Variants in MEOX2 observed in about 807,000 individuals in gnomAD.
The protein encoded by MEOX2 is homeobox protein MOX-2.
Under a neutral mutation model 27.0 loss-of-function variants are expected in MEOX2, and 11 were observed. The observed-to-expected ratio is 0.41, with a 90% CI of 0.26 to 0.68. The LOEUF (loss-of-function observed/expected upper bound fraction) is 0.68, where lower values mean the gene tolerates loss of function less well. Ranked by LOEUF, MEOX2 falls within the 30% of genes least tolerant of loss-of-function variation. The probability of loss-of-function intolerance (pLI) is 0.33; values close to 1 mark genes in which losing one functional copy is unlikely to be tolerated. For synonymous variants in MEOX2, 189 were observed against 155.4 expected, an observed-to-expected ratio of 1.22 and a Z score of -1.61; for missense variants, 436 against 385.4, an observed-to-expected ratio of 1.13 and a Z score of -1.10.
chr7:15,669,436 C>T (rs988491624), intron 1 of MEOX2, among the ~76,000 whole-genome samples: 7 of 152,238 alleles, frequency 4.6e-5, no homozygotes, highest in Non-Finnish European at 8.8e-5. Context: ...TAAATTCTAA[C>T]GTGAATATGT....
At chr7:15,619,753 A>G (rs1393112522) in intron 2 of MEOX2, among the ~76,000 whole-genome samples, 3 of 152,122 alleles carry the variant, frequency 2.0e-5, no homozygotes. Context: ...AACAGATTAT[A>G]TATTCTTAAG....
At chr7:15,682,588 T>C (rs748865298) in intron 1 of MEOX2, among the ~76,000 whole-genome samples, 1 of 151,902 alleles carries the variant, frequency 6.6e-6, no homozygotes, top group South Asian at 2.1e-4. Flanking sequence ...TATCATAAAT[T>C]TGAATAGAAA....
At chr7:15,642,982 G>A (rs73288110) in intron 1 of MEOX2, among the ~76,000 whole-genome samples, 3,841 of 152,254 alleles carry the variant, frequency 0.025, 162 homozygotes, top group African/African-American at 0.087. Flanking sequence ...TCTCCTACAA[G>A]GATAAAGTGT....
intron 1 of MEOX2, among the ~76,000 whole-genome samples, chr7:15,665,492 G>A (rs1238110859): frequency 6.6e-6 from 1 of 152,152 alleles, no homozygotes; most frequent in African/African-American, 2.4e-5. Context: ...TGTCATTTTA[G>A]TCACTAATGA....
intron 1 of MEOX2, among the ~76,000 whole-genome samples, chr7:15,652,294 G>A (rs17168957): frequency 0.025 from 3,832 of 152,146 alleles, 158 homozygotes; most frequent in African/African-American, 0.087. Context: ...AAATGCATAT[G>A]TAATTACTCA....
chr7:15,616,984 T>G (rs7812247), intron 2 of MEOX2, among the ~76,000 whole-genome samples: 101,625 of 151,242 alleles, frequency 0.67, 34,338 homozygotes, highest in East Asian at 0.81. Flanking sequence ...CACCTGTCCT[T>G]TTAGGTTTCA....
chr7:15,647,841 T>A (rs1350981918), intron 1 of MEOX2, among the ~76,000 whole-genome samples: 1 of 152,142 alleles, frequency 6.6e-6, no homozygotes, highest in African/African-American at 2.4e-5. Context: ...TTTCTAGGAT[T>A]ACCATGGAGG....
At chr7:15,640,573 A>G (rs879339795) in intron 1 of MEOX2, among the ~76,000 whole-genome samples, 3 of 152,058 alleles carry the variant, frequency 2.0e-5, no homozygotes, top group Non-Finnish European at 4.4e-5. Flanking sequence ...TTGAATAGCA[A>G]TGGTGAGAGT....
At chr7:15,666,013 C>A (rs567297648) in intron 1 of MEOX2, among the ~76,000 whole-genome samples, 2 of 152,156 alleles carry the variant, frequency 1.3e-5, no homozygotes, top group South Asian at 4.1e-4. Context: ...GATTCTAGAA[C>A]CCCTTCCAAT....
At chr7:15,630,637 C>A (rs762034289) in intron 1 of MEOX2, among the ~76,000 whole-genome samples, 3 of 151,952 alleles carry the variant, frequency 2.0e-5, no homozygotes, top group Non-Finnish European at 4.4e-5. Context: ...ATTGCTGTAA[C>A]TTTTGTATCA....
chr7:15,626,649 T>C, intron 2 of MEOX2, 97 bp downstream of exon 2: 1 of 831,548 alleles, frequency 1.2e-6, no homozygotes, highest in South Asian at 2.0e-5. Context: ...CAAATGGTAT[T>C]CAAGAATTCT....
intron 1 of MEOX2, among the ~76,000 whole-genome samples, chr7:15,659,620 C>A (rs1781877735): frequency 6.6e-6 from 1 of 151,870 alleles, no homozygotes. Context: ...ATTAGCTGGG[C>A]GTGGTGGCGG....
At chr7:15,621,348 TTTTC>T (rs1257531321) in intron 2 of MEOX2, among the ~76,000 whole-genome samples, 4 of 152,230 alleles carry the variant, frequency 2.6e-5, no homozygotes, top group Non-Finnish European at 5.9e-5. Flanking sequence ...CATAAAATGA[TTTTC>T]TTTAACACTT....
At chr7:15,623,476 T>G (rs1256865827) in intron 2 of MEOX2, among the ~76,000 whole-genome samples, 3 of 152,166 alleles carry the variant, frequency 2.0e-5, no homozygotes, top group Non-Finnish European at 4.4e-5. Flanking sequence ...CTTAAATGTT[T>G]CTCCTGCCTC....
intron 1 of MEOX2, among the ~76,000 whole-genome samples, chr7:15,683,372 A>C (rs1208159668): frequency 6.6e-6 from 1 of 152,076 alleles, no homozygotes; most frequent in Non-Finnish European, 1.5e-5. Flanking sequence ...ATCTCACTAT[A>C]TAGGATGACA....
chr7:15,616,216 T>C (rs956790275), intron 2 of MEOX2, among the ~76,000 whole-genome samples: 1 of 151,804 alleles, frequency 6.6e-6, no homozygotes, highest in African/African-American at 2.4e-5. Flanking sequence ...ACCTAGATTA[T>C]ATATTTGATA....
In MEOX2 at chr7:15,626,862, T is replaced by C; in HGVS notation, c.574A>G (p.Thr192Ala). The change falls in exon 2 of 3, where the codon ACA (threonine) becomes GCA (alanine). Residue 192 changes from threonine to alanine, a missense_variant. Thr to Ala is a moderately conservative substitution (Grantham distance 58, BLOSUM62 0). Transcript: ENST00000262041. Reference protein sequence around the residue: ...EVNSKPRKERTAFTKEQIREL... With the variant: ...EVNSKPRKERAAFTKEQIREL... ...CTGATTTGCTCTTTGGTAAATGCTG[T>C]CCTTTCTTTCCTGGGTTTGCTGTTG... 1 of 1,612,160 alleles carries C rather than the reference T, an allele frequency of 6.2e-7. No individual in the cohort carries two copies. The highest frequency in any genetic ancestry group is 2.2e-5 in the East Asian group (1 of 44,830).
At chr7:15,633,488 G>C (rs1781433145) in intron 1 of MEOX2, among the ~76,000 whole-genome samples, 1 of 151,922 alleles carries the variant, frequency 6.6e-6, no homozygotes, top group Non-Finnish European at 1.5e-5. Flanking sequence ...TATGGCATCA[G>C]ATAACACCAT....
At chr7:15,613,141 C>A (rs1781059741) in intron 2 of MEOX2, among the ~76,000 whole-genome samples, 1 of 152,180 alleles carries the variant, frequency 6.6e-6, no homozygotes, top group East Asian at 1.9e-4. Flanking sequence ...CTGAGCCTAT[C>A]TTCTTTTGAA....
Sources: gnomAD v4.1 joint callset for allele counts (sites outside exome capture counted in the v4.1 genomes callset) on GRCh38, gnomAD v4.1.1 for gene constraint, MANE v1.5 for transcripts, NCBI Gene and HGNC (gene_info 2026-07-23, HGNC 2026-07-21) for gene names.